Variants in TAB2 observed in about 807,000 individuals in gnomAD.
TAB2 encodes TGF-beta activated kinase 1 (MAP3K7) binding protein 2.
A neutral mutation model predicts 65.0 loss-of-function variants in TAB2; 3 were observed. That is an observed-to-expected ratio of 0.05 (90% confidence interval 0.02 to 0.12). TAB2 has a LOEUF of 0.12. TAB2 is among the 10% of genes least tolerant of loss of function. TAB2 has a pLI of 1.00. For synonymous variants in TAB2, 298 were observed against 285.1 expected (o/e 1.05, Z -0.46); for missense variants, 623 against 840.3 (o/e 0.74, Z 3.20).
At chr6:149,404,642 ACTTAT>A (rs1291382213) in intron 6 of TAB2, among the ~76,000 whole-genome samples, 1 of 152,234 alleles carries the variant, frequency 6.6e-6, no homozygotes, top group Non-Finnish European at 1.5e-5. Context: ...TCTGTGGTCA[ACTTAT>A]CTTTGACAAG....
At chr6:149,396,433 A>G (rs954160297) in intron 3 of TAB2, among the ~76,000 whole-genome samples, 1 of 152,198 alleles carries the variant, frequency 6.6e-6, no homozygotes, top group Non-Finnish European at 1.5e-5. Flanking sequence ...CAGGTCACCA[A>G]CTGTCTTTGT....
intron 1 of TAB2, among the ~76,000 whole-genome samples, chr6:149,248,774 G>T (rs923847470): frequency 6.6e-6 from 1 of 152,162 alleles, no homozygotes; most frequent in Non-Finnish European, 1.5e-5. Flanking sequence ...CAGCCCCCCA[G>T]TGCTGCTGTC....
intron 1 of TAB2, among the ~76,000 whole-genome samples, chr6:149,365,053 A>G (rs571459036): frequency 6.6e-6 from 1 of 152,262 alleles, no homozygotes; most frequent in East Asian, 1.9e-4. Context: ...CTCTGCTACT[A>G]TTTAGAAGGA....
intron 1 of TAB2, among the ~76,000 whole-genome samples, chr6:149,359,634 G>T (rs1233442765): frequency 6.6e-6 from 1 of 152,126 alleles, no homozygotes; most frequent in Non-Finnish European, 1.5e-5. Context: ...TAAAACCCCA[G>T]CTCCAGTATG....
rs1782216715 is a variant in TAB2, at chr6:149,397,637, G to A, written c.1637G>A (p.Arg546Gln). 1 of 1,613,974 alleles carries A rather than the reference G, an allele frequency of 6.2e-7. No homozygotes were observed. Among genetic ancestry groups the A allele is most frequent in the Non-Finnish European group, 8.5e-7 (1 of 1,179,978 alleles). ...GTACACCAGAAGGCCAGAATGGAAC[G>A]ACTTCAAAGAGAACTTGAGATTCAA... ...LLVHQKARMERLQRELEIQKK... is the reference protein window; with the variant it reads ...LLVHQKARMEQLQRELEIQKK... Residue 546 changes from arginine to glutamine, a missense_variant, in exon 4 of 7, where the codon CGA (arginine) becomes CAA (glutamine). Physicochemically the swap from Arg to Gln is conservative, Grantham distance 43. Transcript: ENST00000637181.
At position 149,250,217 on chromosome 6, in the gene TAB2, AAAG is replaced by A. The variant is rs1459031184; in HGVS notation, c.-121+31448_-121+31450del. ...CAGCAAATATTTATTTTGGATATTGAAAGAAGAAGGATAAAGCCAGATTTTTAT... is the reference window on the plus strand; with the variant it reads ...CAGCAAATATTTATTTTGGATATTGAAAGAAGGATAAAGCCAGATTTTTAT... On this transcript the variant is annotated intron_variant, in intron 1 of 1. Coordinates refer to the TAB2 transcript ENST00000606202. Among the ~76,000 whole-genome samples, 8 of 152,326 alleles carry A rather than the reference AAAG, an allele frequency of 5.3e-5. No homozygotes were observed. The East Asian group carries it at 1.5e-3, about 29-fold the overall frequency.
At chr6:149,276,688 A>G (rs1469368216) in intron 1 of TAB2, among the ~76,000 whole-genome samples, 2 of 152,244 alleles carry the variant, frequency 1.3e-5, no homozygotes, top group Non-Finnish European at 2.9e-5. Context: ...GCTGTGGAAA[A>G]ATAGGCACCT....
At chr6:149,371,257 GTT>G (rs1781218108) in intron 2 of TAB2, among the ~76,000 whole-genome samples, 1 of 151,976 alleles carries the variant, frequency 6.6e-6, no homozygotes, top group Non-Finnish European at 1.5e-5. Flanking sequence ...ACCTAACCCA[GTT>G]TTGGTCTCTC....
intron 1 of TAB2, among the ~76,000 whole-genome samples, chr6:149,295,997 C>G (rs1778870971): frequency 6.6e-6 from 1 of 152,202 alleles, no homozygotes; most frequent in South Asian, 2.1e-4. Context: ...GTCTTGAACT[C>G]CTGACCTCGT....
chr6:149,332,340 T>C (rs1209495159), intron 1 of TAB2, among the ~76,000 whole-genome samples: 2 of 152,172 alleles, frequency 1.3e-5, no homozygotes, highest in Non-Finnish European at 2.9e-5. Flanking sequence ...TTTAAAACTA[T>C]ACCTGTGACT....
At chr6:149,404,286 A>T (rs974116094) in intron 6 of TAB2, among the ~76,000 whole-genome samples, 2 of 152,162 alleles carry the variant, frequency 1.3e-5, no homozygotes, top group Non-Finnish European at 2.9e-5. Flanking sequence ...AAGGAAATTA[A>T]AGAAGACACA....
chr6:149,287,355 A>G (rs1486113378), intron 1 of TAB2, among the ~76,000 whole-genome samples: 1 of 152,204 alleles, frequency 6.6e-6, no homozygotes, highest in African/African-American at 2.4e-5. Flanking sequence ...AAGCTGGAGA[A>G]AGCCCTGAAC....
chr6:149,358,640 CTGTGTG>C (rs370116039), intron 1 of TAB2, among the ~76,000 whole-genome samples: 14 of 121,632 alleles, frequency 1.2e-4, no homozygotes, highest in Admixed American at 1.8e-4. Flanking sequence ...CTTCAGAACT[CTGTGTG>C]TGTGTGTGTG....
intron 6 of TAB2, among the ~76,000 whole-genome samples, 176 bp downstream of exon 6, chr6:149,399,360 G>T (rs572508556): frequency 9.2e-5 from 14 of 152,156 alleles, no homozygotes; most frequent in Non-Finnish European, 2.1e-4. Flanking sequence ...TGGGAAGGAT[G>T]CAAAGATGTA....
intron 2 of TAB2, among the ~76,000 whole-genome samples, chr6:149,370,795 G>A (rs1399644948): frequency 6.6e-6 from 1 of 152,002 alleles, no homozygotes; most frequent in Non-Finnish European, 1.5e-5. Context: ...GCCATGTGCT[G>A]TGACTCACTC....
At chr6:149,226,896 G>A (rs2114627836) in intron 1 of TAB2, among the ~76,000 whole-genome samples, 1 of 152,312 alleles carries the variant, frequency 6.6e-6, no homozygotes, top group African/African-American at 2.4e-5. Flanking sequence ...AGTGTTTAGA[G>A]CTCAAAAGTG....
In TAB2 at chr6:149,219,984, AATTG is replaced by A. The variant is rs1337971711; in HGVS notation, c.-121+1212_-121+1215del. ...ATTTAAAACTGGGAAATTTTTAAACAATTGATTAATTTATTTTTTAAAAATAATA... is the reference window on the plus strand; with the variant it reads ...ATTTAAAACTGGGAAATTTTTAAACAATTAATTTATTTTTTAAAAATAATA... On this transcript the variant is annotated intron_variant, in intron 1 of 1. Coordinates refer to the TAB2 transcript ENST00000606202. 3.3e-5 allele frequency among the ~76,000 whole-genome samples: 5 copies of A among 152,364 alleles called. No homozygotes were observed. In the East Asian group the frequency reaches 5.8e-4, roughly 18 times the overall value.
chr6:149,370,137 C>A, intron 2 of TAB2, 38 bp downstream of exon 2: 1 of 1,538,902 alleles, frequency 6.5e-7, no homozygotes, highest in Non-Finnish European at 9.0e-7. Context: ...TTAATACAAA[C>A]CTGGTATTTT....
At chr6:149,343,242 T>C (rs1267644390) in intron 1 of TAB2, among the ~76,000 whole-genome samples, 2 of 152,168 alleles carry the variant, frequency 1.3e-5, no homozygotes, top group Non-Finnish European at 2.9e-5. Context: ...TCAACTATTC[T>C]ACCCTACTAA....
Sources: allele counts gnomAD v4.1 joint callset (sites outside exome capture counted in the v4.1 genomes callset), GRCh38; gene constraint gnomAD v4.1.1; transcripts MANE v1.5; gene names NCBI Gene and HGNC (gene_info 2026-07-23, HGNC 2026-07-21).